CDYL2: variants seen among roughly 807,000 people sequenced by gnomAD.
CDYL2 encodes chromodomain Y-like protein 2.
In CDYL2, 23 loss-of-function variants were observed where a neutral mutation model predicts 49.4. That is an observed-to-expected ratio of 0.47 (90% confidence interval 0.34 to 0.66). The LOEUF (loss-of-function observed/expected upper bound fraction) is 0.66. Among genes scored for constraint, CDYL2 ranks in the 30% least tolerant of loss-of-function variants. The pLI is 0.01. For missense variants in CDYL2, 678 were observed against 656.4 expected, an observed-to-expected ratio of 1.03 and a Z score of -0.36; for synonymous variants, 360 against 268.8, an observed-to-expected ratio of 1.34 and a Z score of -3.32.
intron 1 of CDYL2, among the ~76,000 whole-genome samples, chr16:80,720,696 T>A (rs962048675): frequency 1.3e-5 from 2 of 152,164 alleles, no homozygotes; most frequent in Admixed American, 1.3e-4. Context: ...CTTGGACCAA[T>A]GTATAAATGA....
At chr16:80,677,983 C>T (rs548900613) in intron 2 of CDYL2, among the ~76,000 whole-genome samples, 1 of 151,876 alleles carries the variant, frequency 6.6e-6, no homozygotes, top group Admixed American at 6.5e-5. Context: ...TGATCTTTGA[C>T]AAACCTGAGA....
rs192986918 is a variant in CDYL2 at position 80,704,564 on chromosome 16, C to T, written c.25-19435G>A. 1.2e-4 allele frequency among the ~76,000 whole-genome samples: 18 copies of T among 152,316 alleles called. No individual in the cohort carries two copies. The East Asian group carries it at 2.3e-3, about 20-fold the overall frequency. ...TGCTCTAGACAAAAGGAAAGACGTT[C>T]ACCACCGGTGTGTACAAGGTAGCCA... On this transcript the variant is annotated intron_variant, in intron 1 of 6. Coordinates refer to ENST00000570137, the MANE Select transcript of CDYL2 (RefSeq NM_152342.4).
chr16:80,674,436 A>T (rs36037596), intron 2 of CDYL2, among the ~76,000 whole-genome samples: 73,737 of 150,922 alleles, frequency 0.49, 20,124 homozygotes, highest in Middle Eastern at 0.68. Flanking sequence ...CCTTTTTTTT[A>T]AAACAAAAAC....
In CDYL2 at chr16:80,631,370, G is replaced by A. The variant is rs80090035; in HGVS notation, c.834+1649C>T. Among the ~76,000 whole-genome samples the A allele has an allele frequency of 4.4e-3, 668 of 152,262 alleles. 7 individuals carry two copies. The highest frequency in any genetic ancestry group is 5.8e-3 in the Non-Finnish European group (396 of 68,016). On this transcript the variant is annotated intron_variant, in intron 3 of 6. Transcript: ENST00000570137. ...GCATCTTGTAGGAAAAGGCTGCTTCGTGGAGCATCTTCCCACCTTTGTGCC... is the reference window on the plus strand; with the variant it reads ...GCATCTTGTAGGAAAAGGCTGCTTCATGGAGCATCTTCCCACCTTTGTGCC...
At chr16:80,631,438 T>A (rs1182562413) in intron 3 of CDYL2, among the ~76,000 whole-genome samples, 1 of 152,230 alleles carries the variant, frequency 6.6e-6, no homozygotes, top group African/African-American at 2.4e-5. Flanking sequence ...CCCTGTATTT[T>A]GAATGATGTT....
At chr16:80,720,897 G>A (rs1904976045) in intron 1 of CDYL2, among the ~76,000 whole-genome samples, 1 of 152,182 alleles carries the variant, frequency 6.6e-6, no homozygotes, top group African/African-American at 2.4e-5. Context: ...TTTCTTTAGA[G>A]TCACAAGTGG....
intron 1 of CDYL2, among the ~76,000 whole-genome samples, chr16:80,757,326 G>A (rs1017918318): frequency 2.6e-5 from 4 of 152,004 alleles, no homozygotes; most frequent in Non-Finnish European, 5.9e-5. Context: ...GAATGCTTGA[G>A]CCTAGGAGTC....
In CDYL2 at chr16:80,676,355, G is replaced by T. The variant is rs544522527; in HGVS notation, c.616+8183C>A. Among the ~76,000 whole-genome samples, 99 of 152,334 alleles carry T rather than the reference G, an allele frequency of 6.5e-4. 1 individual carries two copies. Among genetic ancestry groups the T allele is most frequent in the African/African-American group, 2.2e-3 (93 of 41,566 alleles). On this transcript the variant is annotated intron_variant, in intron 2 of 6. Coordinates refer to ENST00000570137, the MANE Select transcript of CDYL2 (RefSeq NM_152342.4). ...GGCCTGGGGGTGGGTACTTGAAGTG[G>T]GTCAGGAAGAACAGCTGGGCTCAGG...
chr16:80,604,348 G>A lies in CDYL2; in HGVS notation c.*40C>T, dbSNP rs1906233106. ...ACTGTGCTCTGGTTTCCGAAACACA[G>A]GGCAGAGCTGGAAGTTGGGGGCCCG... On this transcript the variant is annotated 3_prime_UTR_variant, in exon 7 of 7. Coordinates refer to ENST00000570137, the MANE Select transcript of CDYL2 (RefSeq NM_152342.4). 6.2e-7 allele frequency: 1 copy of A among 1,611,976 alleles called. No homozygotes were observed. Among genetic ancestry groups the A allele is most frequent in the Non-Finnish European group, 8.5e-7 (1 of 1,178,924 alleles).
At chr16:80,618,298 G>A (rs143796991) in intron 4 of CDYL2, among the ~76,000 whole-genome samples, 147 of 152,338 alleles carry the variant, frequency 9.6e-4, no homozygotes, top group African/African-American at 3.1e-3. Flanking sequence ...TTCTCCTACA[G>A]CTGATGTTTT....
chr16:80,623,072 G>C (rs1352197994), intron 3 of CDYL2, among the ~76,000 whole-genome samples: 1 of 152,198 alleles, frequency 6.6e-6, no homozygotes, highest in African/African-American at 2.4e-5. Flanking sequence ...TTCCTGCGGA[G>C]ATGGTACAAG....
intron 1 of CDYL2, among the ~76,000 whole-genome samples, chr16:80,716,920 TG>T (rs1904823452): frequency 6.7e-6 from 1 of 149,670 alleles, no homozygotes; most frequent in Admixed American, 6.6e-5. Context: ...AATGGACAGA[TG>T]GATAGACAGA....
intron 2 of CDYL2, among the ~76,000 whole-genome samples, chr16:80,647,632 T>C (rs1311724240): frequency 6.6e-6 from 1 of 152,130 alleles, no homozygotes; most frequent in Non-Finnish European, 1.5e-5. Context: ...GGACAGATCT[T>C]CCAGACAGAA....
At chr16:80,699,908 C>T (rs1328178543) in intron 1 of CDYL2, among the ~76,000 whole-genome samples, 1 of 151,340 alleles carries the variant, frequency 6.6e-6, no homozygotes, top group Non-Finnish European at 1.5e-5. Flanking sequence ...CGCTCTGTCG[C>T]CCAGGCCGGA....
intron 1 of CDYL2, among the ~76,000 whole-genome samples, chr16:80,704,558 G>C (rs771563422): frequency 6.6e-6 from 1 of 152,340 alleles, no homozygotes; most frequent in East Asian, 1.9e-4. Context: ...CAAAAGGAAA[G>C]ACGTTCACCA....
intron 4 of CDYL2, among the ~76,000 whole-genome samples, chr16:80,616,198 G>C (rs1028003735): frequency 6.6e-6 from 1 of 152,220 alleles, no homozygotes; most frequent in Non-Finnish European, 1.5e-5. Context: ...CTTGGACAGG[G>C]TGCCTGGTCT....
chr16:80,637,849 C>T (rs947332090), intron 2 of CDYL2, among the ~76,000 whole-genome samples: 6 of 152,098 alleles, frequency 3.9e-5, no homozygotes, highest in Admixed American at 2.6e-4. Context: ...ACATCCTATG[C>T]GGGTATCTAA....
intron 1 of CDYL2, among the ~76,000 whole-genome samples, chr16:80,740,489 A>C (rs1905696492): frequency 6.6e-6 from 1 of 152,182 alleles, no homozygotes; most frequent in Admixed American, 6.5e-5. Context: ...GACATTCAAA[A>C]CCATTATTTT....
At chr16:80,764,340 G>C (rs1475070439) in intron 1 of CDYL2, among the ~76,000 whole-genome samples, 1 of 152,076 alleles carries the variant, frequency 6.6e-6, no homozygotes, top group Non-Finnish European at 1.5e-5. Flanking sequence ...CTGAGAGACA[G>C]AAAAAGAGAT....
Sources: allele counts gnomAD v4.1 joint callset (sites outside exome capture counted in the v4.1 genomes callset), GRCh38; gene constraint gnomAD v4.1.1; transcripts MANE v1.5; gene names NCBI Gene and HGNC (gene_info 2026-07-23, HGNC 2026-07-21).